MTSS2: variants seen among roughly 807,000 people sequenced by gnomAD.
MTSS2 encodes protein MTSS 2.
Under a neutral mutation model 67.1 loss-of-function variants are expected in MTSS2, and 27 were observed. The observed-to-expected ratio is 0.40, with a 90% CI of 0.30 to 0.55. The LOEUF is 0.55. MTSS2 is among the 20% of genes least tolerant of loss of function. The pLI is 0.43. For missense variants in MTSS2, 1,171 were observed against 1,067.8 expected, an observed-to-expected ratio of 1.10 and a Z score of -1.35; for synonymous variants, 624 against 468.6, an observed-to-expected ratio of 1.33 and a Z score of -4.28.
At chr16:70,685,612 A>C in intron 1 of MTSS2, 111 bp downstream of exon 1, 1 of 575,266 alleles carries the variant, frequency 1.7e-6, no homozygotes. Context: ...AGACAAGGAC[A>C]CACAGACACC....
In MTSS2 at chr16:70,663,018, C is replaced by T. The variant is rs1379617491; in HGVS notation, c.*659G>A. 1 of 141,198 alleles carries T rather than the reference C, an allele frequency of 7.1e-6. No homozygotes were observed. Among genetic ancestry groups the T allele is most frequent in the African/African-American group, 2.6e-5 (1 of 38,798 alleles). The allele number at this position is 141,198 out of a possible 1,614,324, so 8.7% of individuals were successfully genotyped here. A position where few individuals can be genotyped will look rare whatever the true frequency, so the allele number is the denominator to read the frequency against. Reference sequence around the variant, plus strand: ...GAGGGGTGGGAGCCACCACAGGGCCCCCAAGACCCCCCCCCCCAAGCAGCC... The same window carrying T: ...GAGGGGTGGGAGCCACCACAGGGCCTCCAAGACCCCCCCCCCCAAGCAGCC... On this transcript the variant is annotated 3_prime_UTR_variant, in exon 15 of 15. Coordinates refer to ENST00000338779, the MANE Select transcript of MTSS2 (RefSeq NM_138383.3).
intron 2 of MTSS2, 41 bp from the exon 3 acceptor site, chr16:70,680,908 C>CGGGGGGGGGGGGGG: frequency 8.5e-7 from 1 of 1,174,318 alleles, no homozygotes; most frequent in South Asian, 1.5e-5. Flanking sequence ...GGTGGTTGGG[C>CGGGGGGGGGGGGGG]GGGGGGGGGG....
In MTSS2 at chr16:70,664,352, G is replaced by T; in HGVS notation, c.1569C>A (p.Ile523=). Residue 523 remains isoleucine, a synonymous_variant, in exon 15 of 15, where the codon ATC becomes ATA. Transcript: ENST00000338779. ...GGATCAGGCGGCGGTAGTTCTGGGCGATGTTGCTGTTGCGCGGGATGGTGG... is the reference window on the plus strand; with the variant it reads ...GGATCAGGCGGCGGTAGTTCTGGGCTATGTTGCTGTTGCGCGGGATGGTGG... ...KSSTIPRNSN[I]AQNYRRLIQT... 5 of 1,597,068 alleles carry T rather than the reference G, an allele frequency of 3.1e-6. No homozygotes were observed. Among genetic ancestry groups the T allele is most frequent in the Non-Finnish European group, 3.4e-6 (4 of 1,173,708 alleles).
At chr16:70,677,662 G>C (rs564624630) in intron 9 of MTSS2, 130 bp downstream of exon 9, 19 of 683,770 alleles carry the variant, frequency 2.8e-5, no homozygotes, top group African/African-American at 2.7e-4. Flanking sequence ...GTGTCAGAAG[G>C]GGTCTGGTCT....
chr16:70,672,564 A>AAGAGT (rs1018861039), intron 11 of MTSS2, among the ~76,000 whole-genome samples: 2 of 151,782 alleles, frequency 1.3e-5, no homozygotes, highest in Non-Finnish European at 1.5e-5. Context: ...AGATTCTGGG[A>AAGAGT]AGAGTATATG....
chr16:70,663,931 G>GCTC lies in MTSS2; in HGVS notation c.1987_1989dup (p.Glu663dup). 1 of 1,553,736 alleles carries GCTC rather than the reference G, an allele frequency of 6.4e-7. No homozygotes were observed. Among genetic ancestry groups the GCTC allele is most frequent in the Non-Finnish European group, 8.7e-7 (1 of 1,151,728 alleles). ...TGCCGGTTGGCCGCCAGCTGCTGCT[G>GCTC]CTCGTCCTCGGCCCCTGCCCCGGGG... is the stretch of plus-strand genomic sequence containing the variant. On this transcript the variant is annotated inframe_insertion, in exon 15 of 15. Transcript: ENST00000338779.
At chr16:70,677,015 C>T (rs760316822) in intron 9 of MTSS2, 37 bp from the exon 10 acceptor site, 1 of 1,537,256 alleles carries the variant, frequency 6.5e-7, no homozygotes, top group South Asian at 1.1e-5. Flanking sequence ...CTGGAGGCAG[C>T]TCCTCAGAGC....
intron 10 of MTSS2, among the ~76,000 whole-genome samples, chr16:70,676,018 G>C (rs945829767): frequency 1.3e-5 from 2 of 152,184 alleles, no homozygotes; most frequent in Admixed American, 6.5e-5. Context: ...ACTGTGGGAC[G>C]GCCACCCACG....
chr16:70,667,068 G>A (rs1191567436), intron 11 of MTSS2, among the ~76,000 whole-genome samples: 1 of 151,906 alleles, frequency 6.6e-6, no homozygotes, highest in Non-Finnish European at 1.5e-5. Flanking sequence ...TTGAGCCCAG[G>A]AGTTCAAGAC....
At chr16:70,676,272 G>A (rs986336821) in intron 10 of MTSS2, among the ~76,000 whole-genome samples, 1 of 152,262 alleles carries the variant, frequency 6.6e-6, no homozygotes, top group African/African-American at 2.4e-5. Context: ...CCTGGCTAGT[G>A]ACTGCGAGAT....
chr16:70,683,021 G>A (rs1337024710), intron 1 of MTSS2, among the ~76,000 whole-genome samples: 1 of 152,230 alleles, frequency 6.6e-6, no homozygotes, highest in South Asian at 2.1e-4. Flanking sequence ...GGAGGCGGCA[G>A]GGACTGCTGG....
At chr16:70,672,775 C>T (rs929996424) in intron 11 of MTSS2, among the ~76,000 whole-genome samples, 2 of 151,542 alleles carry the variant, frequency 1.3e-5, no homozygotes, top group African/African-American at 4.9e-5. Context: ...AAAATATGAG[C>T]TCAGAGATGC....
Position 70,665,393 on chromosome 16 carries a change from G to A in MTSS2, c.1128+73C>T, listed in dbSNP as rs758829773. The A allele has an allele frequency of 1.8e-5, 26 of 1,442,776 alleles. 1 individual carries two copies. Among genetic ancestry groups the A allele is most frequent in the South Asian group, 5.1e-5 (4 of 77,964 alleles). 89.4% of individuals were successfully genotyped at this position (1,442,776 alleles called of 1,614,324 possible). On this transcript the variant is annotated intron_variant, in intron 12 of 14. Transcript: ENST00000338779. ...GAACCCAGGCCCTTTGTGCAGTAAT[G>A]GCACCAGGTGGGGAGGGCATGGATG... is the stretch of plus-strand genomic sequence containing the variant.
intron 10 of MTSS2, 69 bp downstream of exon 10, chr16:70,676,812 G>T: frequency 7.4e-7 from 1 of 1,355,200 alleles, no homozygotes; most frequent in Admixed American, 1.8e-5. Flanking sequence ...ATGCAATTTT[G>T]CTGGGAACAT....
chr16:70,661,575 G>A lies in MTSS2; in HGVS notation c.*2102C>T, dbSNP rs1379634078. 1.7e-5 allele frequency: 6 copies of A among 351,786 alleles called. No individual in the cohort carries two copies. In the East Asian group the frequency reaches 4.6e-4, roughly 27 times the overall value. The allele number at this position is 351,786 out of a possible 1,614,324, so 21.8% of individuals were successfully genotyped here. A position where few individuals can be genotyped will look rare whatever the true frequency, so the allele number is the denominator to read the frequency against. On this transcript the variant is annotated 3_prime_UTR_variant, in exon 15 of 15. Coordinates refer to ENST00000338779, the MANE Select transcript of MTSS2 (RefSeq NM_138383.3). ...CCCCAAACCAAAGTTTGTGATGTGGGATGGTTGGCTCGGATCCCGAGGTGG... is the reference window on the plus strand; with the variant it reads ...CCCCAAACCAAAGTTTGTGATGTGGAATGGTTGGCTCGGATCCCGAGGTGG...
rs1281639982 is a variant in MTSS2, at chr16:70,661,831, T to G, written c.*1846A>C. ...TGCCCACCCACTGCCCCTCACTCTA[T>G]TCCCACCACATCCTGAATCCTGCTC... On this transcript the variant is annotated 3_prime_UTR_variant, in exon 15 of 15. Coordinates refer to ENST00000338779, the MANE Select transcript of MTSS2 (RefSeq NM_138383.3). 1.8e-5 allele frequency: 3 copies of G among 167,212 alleles called. No homozygotes were observed. The highest frequency in any genetic ancestry group is 1.8e-4 in the East Asian group (1 of 5,442). 10.4% of individuals were successfully genotyped at this position (167,212 alleles called of 1,614,324 possible).
chr16:70,663,459 G>T lies in MTSS2; in HGVS notation c.*218C>A. 1 of 841,026 alleles carries T rather than the reference G, an allele frequency of 1.2e-6. No homozygotes were observed. The highest frequency in any genetic ancestry group is 1.7e-6 in the Non-Finnish European group (1 of 573,356). The allele number at this position is 841,026 out of a possible 1,614,324, so 52.1% of individuals were successfully genotyped here. Reference sequence around the variant, plus strand: ...AGAGCATAAAACAGACCCCGAACCAGGCCCAGGCCTGCAGGCTCCGTCCTG... The same window carrying T: ...AGAGCATAAAACAGACCCCGAACCATGCCCAGGCCTGCAGGCTCCGTCCTG... On this transcript the variant is annotated 3_prime_UTR_variant, in exon 15 of 15. Transcript: ENST00000338779.
rs1239096675 is a variant in MTSS2 at position 70,661,205 on chromosome 16, G to A, written c.*2472C>T. ...GAAGCAGCCAGGCAGAGGCAGGGGT[G>A]TTAATTACAGTACACCTTTATTAAT... On this transcript the variant is annotated 3_prime_UTR_variant, in exon 15 of 15. Coordinates refer to ENST00000338779, the MANE Select transcript of MTSS2 (RefSeq NM_138383.3). The A allele has an allele frequency of 2.2e-6, 1 of 449,114 alleles. No individual in the cohort carries two copies. The highest frequency in any genetic ancestry group is 2.0e-5 in the African/African-American group (1 of 49,718). 27.8% of individuals were successfully genotyped at this position (449,114 alleles called of 1,614,324 possible). A position where few individuals can be genotyped will look rare whatever the true frequency, so the allele number is the denominator to read the frequency against.
Position 70,664,290 on chromosome 16 carries a change from G to A in MTSS2, c.1631C>T (p.Thr544Ile), listed in dbSNP as rs752062120. The change falls in exon 15 of 15, where the codon ACC becomes ATC. Residue 544 changes from threonine to isoleucine, a missense_variant. This residue lies in a region of MTSS2 where 924 missense variants were observed against 756.0 expected (regional missense o/e 1.22). Transcript: ENST00000338779. ...KRPASTAGLP[T>I]AGLPTATGLP... Reference sequence around the variant, plus strand: ...GCCAGTGGCCGTGGGCAGCCCCGCGGTGGGCAGCCCAGCAGTGGAGGCTGG... The same window carrying A: ...GCCAGTGGCCGTGGGCAGCCCCGCGATGGGCAGCCCAGCAGTGGAGGCTGG... 3 of 1,566,240 alleles carry A rather than the reference G, an allele frequency of 1.9e-6. No individual in the cohort carries two copies. The highest frequency in any genetic ancestry group is 2.6e-6 in the Non-Finnish European group (3 of 1,162,746).
Sources: allele counts gnomAD v4.1 joint callset (sites outside exome capture counted in the v4.1 genomes callset), GRCh38; gene constraint gnomAD v4.1.1; regional missense constraint gnomAD v4.1.1; transcripts MANE v1.5; gene names NCBI Gene and HGNC (gene_info 2026-07-23, HGNC 2026-07-21).